Variants in RBFOX2 observed in about 807,000 individuals in gnomAD.
RBFOX2 encodes the protein RNA binding protein fox-1 homolog 2.
In RBFOX2, 10 loss-of-function variants were observed where a neutral mutation model predicts 49.1. The observed-to-expected ratio is 0.20, with a 90% CI of 0.13 to 0.35. The LOEUF is 0.35. Ranked by LOEUF, RBFOX2 falls within the 10% of genes least tolerant of loss-of-function variation. The pLI, the probability that RBFOX2 is intolerant of heterozygous loss-of-function variation, is 1.00. For synonymous variants in RBFOX2, 183 were observed against 187.4 expected, an observed-to-expected ratio of 0.98 and a Z score of 0.19; for missense variants, 323 against 486.9, an observed-to-expected ratio of 0.66 and a Z score of 3.17.
At chr22:35,934,281 G>GA (rs1380111475) in intron 1 of RBFOX2, among the ~76,000 whole-genome samples, 1 of 151,714 alleles carries the variant, frequency 6.6e-6, no homozygotes, top group Non-Finnish European at 1.5e-5. Flanking sequence ...CTCATATCAG[G>GA]AAACTAAAGA....
intron 1 of RBFOX2, among the ~76,000 whole-genome samples, chr22:35,938,363 GA>G (rs1465408967): frequency 3.3e-5 from 5 of 152,226 alleles, no homozygotes; most frequent in African/African-American, 1.2e-4. Context: ...ATCTAACAAA[GA>G]AAGGTGGCAG....
At chr22:35,840,074 TG>T in intron 1 of RBFOX2, 1 of 1,342,776 alleles carries the variant, frequency 7.4e-7, no homozygotes, top group Non-Finnish European at 1.1e-6. Flanking sequence ...ACAATAAATC[TG>T]GTCTGTTCTA....
intron 1 of RBFOX2, among the ~76,000 whole-genome samples, chr22:35,850,493 A>G (rs1444186164): frequency 1.3e-5 from 2 of 152,166 alleles, no homozygotes; most frequent in Non-Finnish European, 2.9e-5. Flanking sequence ...GGAGGCCTCC[A>G]GATATGCAGG....
At chr22:35,969,621 T>C (rs2056760632) in intron 1 of RBFOX2, among the ~76,000 whole-genome samples, 1 of 152,158 alleles carries the variant, frequency 6.6e-6, no homozygotes, top group Non-Finnish European at 1.5e-5. Flanking sequence ...TCCATAAACA[T>C]GACAAAATGG....
intron 1 of RBFOX2, among the ~76,000 whole-genome samples, chr22:35,847,265 A>C (rs1180780343): frequency 6.6e-6 from 1 of 152,252 alleles, no homozygotes; most frequent in African/African-American, 2.4e-5. Context: ...TAGCAATGAA[A>C]GGTCAAGTAC....
At chr22:35,768,172 G>A (rs1189815038) in intron 5 of RBFOX2, 85 bp downstream of exon 6, 1 of 1,413,058 alleles carries the variant, frequency 7.1e-7, no homozygotes, top group South Asian at 1.2e-5. Flanking sequence ...CATAAGACAG[G>A]GTTCCAAATG....
upstream of RBFOX2, among the ~76,000 whole-genome samples, chr22:35,965,790 C>T (rs935429757): frequency 1.3e-5 from 2 of 152,164 alleles, no homozygotes; most frequent in East Asian, 1.9e-4. Flanking sequence ...CCTACAAGCT[C>T]GACAGGAAAA....
At chr22:35,984,496 C>T (rs1394369132) in intron 1 of RBFOX2, among the ~76,000 whole-genome samples, 3 of 152,182 alleles carry the variant, frequency 2.0e-5, no homozygotes, top group Non-Finnish European at 4.4e-5. Flanking sequence ...TGTTTCACAT[C>T]TGTTATATAA....
At chr22:35,887,941 A>G (rs934317288) in intron 1 of RBFOX2, among the ~76,000 whole-genome samples, 1 of 152,088 alleles carries the variant, frequency 6.6e-6, no homozygotes, top group Non-Finnish European at 1.5e-5. Context: ...CCTCCTTAAG[A>G]TCTATAGTTT....
intron 1 of RBFOX2, among the ~76,000 whole-genome samples, chr22:35,834,031 GAAATT>G (rs1427696193): frequency 6.6e-6 from 1 of 152,152 alleles, no homozygotes; most frequent in Non-Finnish European, 1.5e-5. Context: ...GTCAGGGATG[GAAATT>G]TCAGAAATGA....
At chr22:35,821,829 C>T (rs1430715522) in intron 1 of RBFOX2, 3 of 518,884 alleles carry the variant, frequency 5.8e-6, no homozygotes, top group Non-Finnish European at 1.2e-5. Flanking sequence ...GGCCTCCTCT[C>T]CTGAGGCCGC....
At chr22:35,826,531 T>C (rs1483596650) in intron 1 of RBFOX2, among the ~76,000 whole-genome samples, 2 of 152,080 alleles carry the variant, frequency 1.3e-5, no homozygotes, top group African/African-American at 2.4e-5. Flanking sequence ...AATCACATTC[T>C]TCTTCCTAAA....
intron 1 of RBFOX2, among the ~76,000 whole-genome samples, chr22:35,863,469 C>T (rs1272462232): frequency 6.6e-6 from 1 of 152,132 alleles, no homozygotes; most frequent in East Asian, 1.9e-4. Flanking sequence ...TCCAAAAAGG[C>T]GGCCAGGGTG....
chr22:35,832,137 C>T (rs1278894821), intron 1 of RBFOX2, among the ~76,000 whole-genome samples: 3 of 152,088 alleles, frequency 2.0e-5, no homozygotes, highest in South Asian at 2.1e-4. Flanking sequence ...TTTGGGAGGT[C>T]GAGGCAGGTG....
intron 1 of RBFOX2, among the ~76,000 whole-genome samples, chr22:35,838,894 T>C (rs1311195212): frequency 6.6e-6 from 1 of 152,188 alleles, no homozygotes; most frequent in Non-Finnish European, 1.5e-5. Flanking sequence ...AATGGGAAAA[T>C]ATCCCTACAG....
chr22:35,994,113 TATA>T (rs1202699552), intron 1 of RBFOX2: 1 of 151,920 alleles, frequency 6.6e-6, no homozygotes. Flanking sequence ...CTAATAGGAA[TATA>T]ATGAGAGCCA....
intron 1 of RBFOX2, among the ~76,000 whole-genome samples, chr22:35,817,967 CA>C: frequency 6.6e-6 from 1 of 151,318 alleles, no homozygotes; most frequent in African/African-American, 2.5e-5. Flanking sequence ...CACACACACA[CA>C]CACACACACA....
intron 1 of RBFOX2, among the ~76,000 whole-genome samples, chr22:35,979,500 C>T (rs1047263695): frequency 1.2e-4 from 18 of 152,186 alleles, no homozygotes; most frequent in Admixed American, 3.3e-4. Context: ...CTGCAGCTTG[C>T]TCTCAAAAAA....
chr22:35,982,288 T>A (rs943203948), intron 1 of RBFOX2, among the ~76,000 whole-genome samples: 5 of 152,144 alleles, frequency 3.3e-5, no homozygotes, highest in African/African-American at 1.2e-4. Context: ...TTTCTACTGT[T>A]TAAAACACAG....
Sources: gnomAD v4.1 joint callset for allele counts (sites outside exome capture counted in the v4.1 genomes callset) on GRCh38, gnomAD v4.1.1 for gene constraint, MANE v1.5 for transcripts, NCBI Gene and HGNC (gene_info 2026-07-23, HGNC 2026-07-21) for gene names.